The following COL4A6 variants were observed in gnomAD, a reference collection of about 807,000 sequenced individuals.
COL4A6 encodes collagen alpha-6(IV) chain.
In COL4A6, 59 loss-of-function variants were observed where a neutral mutation model predicts 126.7. The ratio of observed to expected loss-of-function variants is 0.47; its 90% CI spans 0.38 to 0.58. The LOEUF (loss-of-function observed/expected upper bound fraction) is 0.58. Among genes scored for constraint, COL4A6 ranks in the 20% least tolerant of loss-of-function variants. The probability of loss-of-function intolerance (pLI) is 0.00; values close to 1 mark genes in which losing one functional copy is unlikely to be tolerated. For synonymous variants in COL4A6, 547 were observed against 496.6 expected (o/e 1.10, Z -1.35); for missense variants, 1,285 against 1,337.3 (o/e 0.96, Z 0.61).
At chrX:108,405,614 T>G (rs1390357434) in intron 2 of COL4A6, among the ~76,000 whole-genome samples, 2 of 111,782 alleles carry the variant, frequency 1.8e-5, no homozygotes, top group Non-Finnish European at 3.8e-5. Context: ...ATCAGATCTC[T>G]GTTCTTTTCA....
At chrX:108,244,012 G>A (rs1367589655) in intron 3 of COL4A6, among the ~76,000 whole-genome samples, 1 of 110,881 alleles carries the variant, frequency 9.0e-6, no homozygotes, top group East Asian at 2.8e-4. Flanking sequence ...TGTGGACAAT[G>A]TTATTATTTG....
rs1556025042 is a variant in COL4A6, at chrX:108,219,709, T to C, written c.313A>G (p.Asn105Asp). 3 of 1,209,371 alleles carry C rather than the reference T, an allele frequency of 2.5e-6. No individual in the cohort carries two copies. Among genetic ancestry groups the C allele is most frequent in the Non-Finnish European group, 1.1e-6 (1 of 893,357 alleles). The change falls in exon 5 of 45, where the codon AAT (asparagine) becomes GAT (aspartate). Residue 105 changes from asparagine (N) to aspartate (D), a missense_variant. By Grantham distance (23) the Asn-to-Asp change is conservative. Coordinates refer to ENST00000334504, the MANE Select transcript of COL4A6 (RefSeq NM_033641.4). Reference protein sequence around the residue: ...PMGVPGFLGINGIPGHPGQPG... With the variant: ...PMGVPGFLGIDGIPGHPGQPG... ...GTGGACACACTCACCGGAATCCCATTGATGCCAAGAAAGCCAGGAACTCCC... is the reference window on the plus strand; with the variant it reads ...GTGGACACACTCACCGGAATCCCATCGATGCCAAGAAAGCCAGGAACTCCC...
At chrX:108,213,541 A>G (rs1332767832) in intron 6 of COL4A6, among the ~76,000 whole-genome samples, 1 of 112,287 alleles carries the variant, frequency 8.9e-6, no homozygotes, top group Non-Finnish European at 1.9e-5. Context: ...GGGTTTCTCA[A>G]CCTCAGCATT....
intron 2 of COL4A6, among the ~76,000 whole-genome samples, chrX:108,395,786 T>C (rs1477618413): frequency 9.8e-5 from 11 of 112,050 alleles, no homozygotes; most frequent in South Asian, 7.5e-4. Context: ...AAAATACATC[T>C]AACTAGCTTT....
chrX:108,211,045 C>T (rs1048633072), intron 7 of COL4A6, among the ~76,000 whole-genome samples: 9 of 111,819 alleles, frequency 8.0e-5, no homozygotes, highest in Non-Finnish European at 1.3e-4. Context: ...GGACTCCTGC[C>T]CCACTCTGCA....
rs779495908 is a variant in COL4A6, at chrX:108,257,649, T to A, written c.145-36275A>T. 3.6e-5 allele frequency among the ~76,000 whole-genome samples: 4 copies of A among 111,183 alleles called. No individual in the cohort carries two copies. In the East Asian group the frequency reaches 1.1e-3, roughly 32 times the overall value. ...TCCTCCACAGAGGTTGGACCTGCCC[T>A]GTGGTCGGATAAGTCACACCTCCTC... On this transcript the variant is annotated intron_variant, in intron 3 of 44. Coordinates refer to ENST00000334504, the MANE Select transcript of COL4A6 (RefSeq NM_033641.4).
chrX:108,381,604 T>C (rs1196435171), intron 2 of COL4A6, among the ~76,000 whole-genome samples: 1 of 111,722 alleles, frequency 9.0e-6, no homozygotes, highest in Non-Finnish European at 1.9e-5. Flanking sequence ...CAAAATGGAA[T>C]ATTAGTACCT....
intron 2 of COL4A6, among the ~76,000 whole-genome samples, chrX:108,430,556 G>C (rs934561831): frequency 6.6e-4 from 74 of 112,093 alleles, no homozygotes; most frequent in East Asian, 1.4e-3. Flanking sequence ...TAAGGATGGA[G>C]TCAGGAGGTA....
At chrX:108,178,602 C>T in intron 27 of COL4A6, 82 bp downstream of exon 27, 2 of 987,872 alleles carry the variant, frequency 2.0e-6, no homozygotes, top group Non-Finnish European at 2.8e-6. Context: ...TGTCCCACTA[C>T]TGCTATTGCC....
intron 2 of COL4A6, among the ~76,000 whole-genome samples, chrX:108,419,081 T>G (rs1396229128): frequency 8.9e-6 from 1 of 112,537 alleles, no homozygotes; most frequent in Admixed American, 9.4e-5. Flanking sequence ...ATTGTAGAGC[T>G]TTATAGTAAA....
At chrX:108,266,218 G>A (rs984406424) in intron 3 of COL4A6, among the ~76,000 whole-genome samples, 2 of 111,515 alleles carry the variant, frequency 1.8e-5, no homozygotes, top group Admixed American at 1.9e-4. Context: ...GGAAATATCT[G>A]TTTTGCTGCT....
intron 2 of COL4A6, among the ~76,000 whole-genome samples, chrX:108,388,329 G>C (rs947695202): frequency 1.8e-5 from 2 of 111,952 alleles, no homozygotes; most frequent in Non-Finnish European, 3.8e-5. Flanking sequence ...GAATTCGGCT[G>C]TGAATCCGTC....
At chrX:108,347,283 C>G (rs868715803) in intron 2 of COL4A6, among the ~76,000 whole-genome samples, 1 of 112,155 alleles carries the variant, frequency 8.9e-6, no homozygotes, top group Non-Finnish European at 1.9e-5. Context: ...AAAGAACACA[C>G]GCAGACATGA....
At chrX:108,304,132 T>C (rs1416077032) in intron 3 of COL4A6, among the ~76,000 whole-genome samples, 1 of 111,917 alleles carries the variant, frequency 8.9e-6, no homozygotes, top group Admixed American at 9.5e-5. Context: ...GGTCTCTGGA[T>C]AGTTAAAGCA....
chrX:108,296,787 T>G (rs746840514), intron 3 of COL4A6, among the ~76,000 whole-genome samples: 1 of 112,304 alleles, frequency 8.9e-6, no homozygotes, highest in African/African-American at 3.2e-5. Context: ...GATTCATTCA[T>G]TCAACAAAAC....
intron 2 of COL4A6, among the ~76,000 whole-genome samples, chrX:108,405,467 G>A (rs2041187228): frequency 9.0e-6 from 1 of 111,430 alleles, no homozygotes; most frequent in Admixed American, 9.5e-5. Flanking sequence ...TTACAGGCAT[G>A]AGCCACTGTG....
Position 108,287,500 on chromosome X carries a change from G to A in COL4A6, c.144+23248C>T, listed in dbSNP as rs768428019. Among the ~76,000 whole-genome samples the A allele has an allele frequency of 8.1e-5, 9 of 111,625 alleles. No homozygotes were observed. In the South Asian group the frequency reaches 3.4e-3, roughly 43 times the overall value. ...AGCTCTAGAGCAGCCTTGAGTTTAG[G>A]GCTAATTTGGCACTGCTACTGAGGC... is the stretch of plus-strand genomic sequence containing the variant. On this transcript the variant is annotated intron_variant, in intron 3 of 44. Coordinates refer to ENST00000334504, the MANE Select transcript of COL4A6 (RefSeq NM_033641.4).
intron 3 of COL4A6, 58 bp from the exon 4 acceptor site, chrX:108,221,432 C>A: frequency 8.8e-7 from 1 of 1,134,160 alleles, no homozygotes; most frequent in Non-Finnish European, 1.2e-6. Context: ...TAATACTTCT[C>A]ATTTTCCCAC....
At chrX:108,346,290 T>A (rs2039705071) in intron 2 of COL4A6, among the ~76,000 whole-genome samples, 1 of 111,735 alleles carries the variant, frequency 8.9e-6, no homozygotes, top group Admixed American at 9.5e-5. Flanking sequence ...ATATTAGTAT[T>A]TCCCTTTTAC....
Sources: gnomAD v4.1 joint callset for allele counts (sites outside exome capture counted in the v4.1 genomes callset) on GRCh38, gnomAD v4.1.1 for gene constraint, MANE v1.5 for transcripts, NCBI Gene and HGNC (gene_info 2026-07-23, HGNC 2026-07-21) for gene names.